CYFIP2: variants seen among roughly 807,000 people sequenced by gnomAD.
CYFIP2 encodes the protein cytoplasmic FMR1 interacting protein 2, also known as cytoplasmic FMR1-interacting protein 2.
In CYFIP2, 29 loss-of-function variants were observed where a neutral mutation model predicts 158.7. That is an observed-to-expected ratio of 0.18 (90% CI 0.14 to 0.25). The LOEUF (loss-of-function observed/expected upper bound fraction) is 0.25, where lower values mean the gene tolerates loss of function less well. CYFIP2 is among the 10% of genes least tolerant of loss of function. The pLI is 1.00. For missense variants in CYFIP2, 852 were observed against 1,639.5 expected (o/e 0.52, Z 8.29); for synonymous variants, 585 against 617.6 (o/e 0.95, Z 0.78).
At chr5:157,380,771 C>G (rs11738586) in intron 26 of CYFIP2, among the ~76,000 whole-genome samples, 12,637 of 152,250 alleles carry the variant, frequency 0.083, 652 homozygotes, top group Middle Eastern at 0.14. Context: ...CAATGTAATT[C>G]ACCATGTGAA....
At chr5:157,365,879 G>C (rs567431202) in intron 26 of CYFIP2, among the ~76,000 whole-genome samples, 1 of 151,782 alleles carries the variant, frequency 6.6e-6, no homozygotes, top group East Asian at 1.9e-4. Flanking sequence ...CTCATTGCAT[G>C]AACAGACTAA....
intron 15 of CYFIP2, among the ~76,000 whole-genome samples, chr5:157,322,053 A>G (rs997301592): frequency 6.6e-6 from 1 of 152,186 alleles, no homozygotes; most frequent in African/African-American, 2.4e-5. Context: ...ATTTGTGTAG[A>G]TAATGTGAGA....
intron 20 of CYFIP2, among the ~76,000 whole-genome samples, chr5:157,332,276 A>C (rs1761521437): frequency 6.6e-6 from 1 of 152,254 alleles, no homozygotes; most frequent in Non-Finnish European, 1.5e-5. Context: ...TTTATCCCCT[A>C]GCCAGATTTG....
Position 157,361,430 on chromosome 5 carries a change from T to C in CYFIP2, c.2909-38T>C, listed in dbSNP as rs1206950071. On this transcript the variant is annotated intron_variant, in intron 25 of 30. Coordinates refer to ENST00000620254, the MANE Select transcript of CYFIP2 (RefSeq NM_001037333.3). This position sits in a 1 kb window ranked among gnomAD's most constrained non-coding sequence, Gnocchi z 4.4. Reference sequence around the variant, plus strand: ...GTTTCCCATAGACCCTACTGAGCAGTGTCAACTTCCCACTGACCACCCCGA... The same window carrying C: ...GTTTCCCATAGACCCTACTGAGCAGCGTCAACTTCCCACTGACCACCCCGA... The C allele has an allele frequency of 6.2e-7, 1 of 1,612,746 alleles. No individual in the cohort carries two copies.
intron 26 of CYFIP2, among the ~76,000 whole-genome samples, chr5:157,377,200 T>A (rs1165219910): frequency 6.6e-6 from 1 of 151,986 alleles, no homozygotes; most frequent in Non-Finnish European, 1.5e-5. Flanking sequence ...ATTTCCCTGA[T>A]GAAAACCATC....
intron 23 of CYFIP2, among the ~76,000 whole-genome samples, chr5:157,350,937 G>A (rs1763026850): frequency 6.6e-6 from 1 of 152,200 alleles, no homozygotes; most frequent in Non-Finnish European, 1.5e-5. Flanking sequence ...CTTGGTCGGT[G>A]TTGGTGTATA....
intron 23 of CYFIP2, among the ~76,000 whole-genome samples, chr5:157,354,607 G>A (rs1763290158): frequency 6.6e-6 from 1 of 151,966 alleles, no homozygotes; most frequent in African/African-American, 2.4e-5. Context: ...AATCTTAGGA[G>A]GAGGATTTGA....
At position 157,287,127 on chromosome 5, in the gene CYFIP2, C is replaced by T. The variant is rs769539457; in HGVS notation, c.207+19C>T. On this transcript the variant is annotated intron_variant, in intron 3 of 30. Coordinates refer to ENST00000620254, the MANE Select transcript of CYFIP2 (RefSeq NM_001037333.3). ...CAGCATGGTAAGTCTCTGTGACCCA[C>T]GTGTGCAGACATGCTCCCTGCTGGG... 23 of 1,606,098 alleles carry T rather than the reference C, an allele frequency of 1.4e-5. No homozygotes were observed. In the Admixed American group the frequency reaches 1.7e-4, roughly 12 times the overall value.
At chr5:157,383,929 A>G (rs1466033628) in intron 28 of CYFIP2, among the ~76,000 whole-genome samples, 2 of 152,232 alleles carry the variant, frequency 1.3e-5, no homozygotes, top group East Asian at 3.8e-4. Flanking sequence ...CAATTGGATG[A>G]AGCAAGCTGC....
At position 157,383,261 on chromosome 5, in the gene CYFIP2, G is replaced by C. The variant is rs1313516866; in HGVS notation, c.3113-4G>C. On this transcript the variant is annotated splice_polypyrimidine_tract_variant and splice_region_variant and intron_variant, in intron 27 of 30. Coordinates refer to ENST00000620254, the MANE Select transcript of CYFIP2 (RefSeq NM_001037333.3). ...CATTTTCTGCTCTGCGACTCCTTTTGCAGAGGGGGAGCGCCTGGAGGTCCG... is the reference window on the plus strand; with the variant it reads ...CATTTTCTGCTCTGCGACTCCTTTTCCAGAGGGGGAGCGCCTGGAGGTCCG... 6.2e-7 allele frequency: 1 copy of C among 1,613,526 alleles called. No homozygotes were observed. Among genetic ancestry groups the C allele is most frequent in the African/African-American group, 1.3e-5 (1 of 74,990 alleles).
At chr5:157,277,470 T>C (rs1010274876) in intron 1 of CYFIP2, among the ~76,000 whole-genome samples, 1 of 152,232 alleles carries the variant, frequency 6.6e-6, no homozygotes, top group Non-Finnish European at 1.5e-5. Context: ...TCCTCTCTCC[T>C]ATGTTGTCAG....
At chr5:157,363,715 C>CTTCTTCAAAGCCATACTATTTA (rs1764064111) in intron 26 of CYFIP2, 1 of 152,446 alleles carries the variant, frequency 6.6e-6, no homozygotes, top group South Asian at 2.1e-4. Flanking sequence ...TTTCAAAGGC[C>CTTCTTCAAAGCCATACTATTTA]TGGGGGCTAC....
At chr5:157,389,514 G>T (rs889035) in intron 29 of CYFIP2, 87 bp downstream of exon 29, 2 of 1,272,692 alleles carry the variant, frequency 1.6e-6, no homozygotes, top group Non-Finnish European at 2.1e-6. Flanking sequence ...AGCCAGAAAC[G>T]TGGGCAGGGG....
At chr5:157,277,025 T>G (rs963801466) in intron 1 of CYFIP2, 4 of 146,518 alleles carry the variant, frequency 2.7e-5, no homozygotes, top group African/African-American at 1.0e-4. Context: ...TCTGTATGGG[T>G]TTTTTCTCTT....
intron 26 of CYFIP2, among the ~76,000 whole-genome samples, chr5:157,367,656 T>G (rs1764516715): frequency 1.3e-5 from 2 of 152,204 alleles, no homozygotes; most frequent in South Asian, 4.1e-4. Context: ...TCTAATTGTT[T>G]TATTACATAA....
chr5:157,322,349 G>T (rs953684153), intron 15 of CYFIP2, among the ~76,000 whole-genome samples: 1 of 152,196 alleles, frequency 6.6e-6, no homozygotes, highest in Admixed American at 6.5e-5. Flanking sequence ...GTAGACATGG[G>T]CATCTTGCAT....
At chr5:157,371,144 A>C (rs1764960201) in intron 26 of CYFIP2, among the ~76,000 whole-genome samples, 1 of 152,154 alleles carries the variant, frequency 6.6e-6, no homozygotes, top group Non-Finnish European at 1.5e-5. Context: ...GGGAAGCCTA[A>C]TTTCTTGCCT....
In CYFIP2 at chr5:157,361,095, TTACAGA is replaced by T. The variant is rs1285724837; in HGVS notation, c.2909-370_2909-365del. Among the ~76,000 whole-genome samples, 2 of 152,160 alleles carry T rather than the reference TTACAGA, an allele frequency of 1.3e-5. No individual in the cohort carries two copies. The highest frequency in any genetic ancestry group is 4.8e-5 in the African/African-American group (2 of 41,420). On this transcript the variant is annotated intron_variant, in intron 25 of 30. Transcript: ENST00000620254. This position sits in a 1 kb window ranked among gnomAD's most constrained non-coding sequence, Gnocchi z 4.4. ...TAGTGATATTGTATTAAATGAGATA[TTACAGA>T]TAAAGTGCTCAGCACAATATCTGAC...
At chr5:157,320,401 A>G (rs1370480114) in intron 14 of CYFIP2, among the ~76,000 whole-genome samples, 2 of 152,220 alleles carry the variant, frequency 1.3e-5, no homozygotes, top group Non-Finnish European at 2.9e-5. Flanking sequence ...CGATGGGCTC[A>G]GAGCTGAGTT....
Sources: gnomAD v4.1 joint callset for allele counts (sites outside exome capture counted in the v4.1 genomes callset) on GRCh38, gnomAD v4.1.1 for gene constraint, Gnocchi (gnomAD v3.1) non-coding constraint, MANE v1.5 for transcripts, NCBI Gene and HGNC (gene_info 2026-07-23, HGNC 2026-07-21) for gene names.